Variants in RUBCN observed in about 807,000 individuals in gnomAD.
The protein encoded by RUBCN is run domain Beclin-1-interacting and cysteine-rich domain-containing protein.
RUBCN carries 74 observed loss-of-function variants against 113.2 expected under a neutral mutation model. The ratio of observed to expected loss-of-function variants is 0.65; its 90% CI spans 0.54 to 0.79. RUBCN has a LOEUF of 0.79. Among genes scored for constraint, RUBCN ranks in the 30% least tolerant of loss-of-function variants. RUBCN has a pLI of 0.00. For synonymous variants in RUBCN, 480 were observed against 490.0 expected, an observed-to-expected ratio of 0.98 and a Z score of 0.27; for missense variants, 1,109 against 1,251.7, an observed-to-expected ratio of 0.89 and a Z score of 1.72.
intron 4 of RUBCN, 68 bp downstream of exon 4, chr3:197,704,474 G>A: frequency 7.0e-7 from 1 of 1,425,030 alleles, no homozygotes; most frequent in Non-Finnish European, 9.9e-7. Context: ...GTACCAGAGG[G>A]GTAGAGGATA....
rs1389514573 is a variant in RUBCN at position 197,670,956 on chromosome 3, G to A, written c.*4062C>T. On this transcript the variant is annotated 3_prime_UTR_variant, in exon 20 of 20. Coordinates refer to ENST00000296343, the MANE Select transcript of RUBCN (RefSeq NM_014687.4). ...TGCAGAGACTTGGTGAGCACTAAGA[G>A]GGGAGGTAGAGGTGGTCACAATCCC... is the stretch of plus-strand genomic sequence containing the variant. Among the ~76,000 whole-genome samples the A allele has an allele frequency of 2.0e-5, 3 of 152,212 alleles. No individual in the cohort carries two copies. Among genetic ancestry groups the A allele is most frequent in the South Asian group, 2.1e-4 (1 of 4,830 alleles).
chr3:197,682,364 T>A (rs1721340415), intron 14 of RUBCN, 106 bp downstream of exon 14: 1 of 1,318,194 alleles, frequency 7.6e-7, no homozygotes, highest in African/African-American at 1.5e-5. Flanking sequence ...AAGAGAACGG[T>A]GTGGGAAGGA....
Position 197,703,571 on chromosome 3 carries a change from G to A in RUBCN, c.547C>T (p.Leu183=). The A allele has an allele frequency of 6.2e-7, 1 of 1,613,440 alleles. No individual in the cohort carries two copies. The highest frequency in any genetic ancestry group is 8.5e-7 in the Non-Finnish European group (1 of 1,179,404). ...ACCATGGACGCATCGATCTGAGCCAGGAGGCGGGGGTTGTTCTGTTCCACT... is the reference window on the plus strand; with the variant it reads ...ACCATGGACGCATCGATCTGAGCCAAGAGGCGGGGGTTGTTCTGTTCCACT... ...EAVEQNNPRL[L]AQIDASMFAR... is the part of the protein sequence containing the mutation. The change falls in exon 5 of 20, where the codon CTG becomes TTG. Residue 183 remains leucine (L), a synonymous_variant. Coordinates refer to ENST00000296343, the MANE Select transcript of RUBCN (RefSeq NM_014687.4).
At chr3:197,722,396 G>C (rs1046872849) in intron 1 of RUBCN, among the ~76,000 whole-genome samples, 4 of 152,144 alleles carry the variant, frequency 2.6e-5, no homozygotes, top group African/African-American at 9.6e-5. Context: ...CTATTGAGTA[G>C]AATGTTCTGT....
rs1394123545 is a variant in RUBCN at position 197,675,549 on chromosome 3, A to C, written c.2647-34T>G. 1.3e-6 allele frequency: 2 copies of C among 1,533,296 alleles called. No homozygotes were observed. The highest frequency in any genetic ancestry group is 1.8e-6 in the Non-Finnish European group (2 of 1,107,430). The allele number at this position is 1,533,296 out of a possible 1,614,324, so 95.0% of individuals were successfully genotyped here. A position where few individuals can be genotyped will look rare whatever the true frequency, so the allele number is the denominator to read the frequency against. On this transcript the variant is annotated intron_variant, in intron 18 of 19. Transcript: ENST00000296343. This position sits in a 1 kb window ranked among gnomAD's most constrained non-coding sequence, Gnocchi z 4.4. Reference sequence around the variant, plus strand: ...GAAAAACACAGATGGCAAAATGAGGAGCGGCACATCAGGAACTGGCACGGG... The same window carrying C: ...GAAAAACACAGATGGCAAAATGAGGCGCGGCACATCAGGAACTGGCACGGG...
intron 16 of RUBCN, among the ~76,000 whole-genome samples, chr3:197,679,731 C>T (rs1336836313): frequency 1.0e-4 from 15 of 145,842 alleles, no homozygotes; most frequent in Admixed American, 2.7e-4. Flanking sequence ...GACTGTCCTA[C>T]GCTCTGACAA....
At chr3:197,735,989 GTGAGGAAAA>G (rs1436055967) in intron 1 of RUBCN, among the ~76,000 whole-genome samples, 1 of 152,194 alleles carries the variant, frequency 6.6e-6, no homozygotes. Flanking sequence ...AGTTTGCATT[GTGAGGAAAA>G]AGGGACAGGT....
chr3:197,717,333 A>G (rs1177963607), intron 2 of RUBCN, among the ~76,000 whole-genome samples: 3 of 151,196 alleles, frequency 2.0e-5, no homozygotes, highest in Non-Finnish European at 4.4e-5. Flanking sequence ...AGTCCCAGCT[A>G]CTCGGGAGGC....
At chr3:197,725,520 CTTTTTTTTT>C (rs10718685) in intron 1 of RUBCN, among the ~76,000 whole-genome samples, 6 of 75,336 alleles carry the variant, frequency 8.0e-5, no homozygotes, top group East Asian at 4.4e-4. Context: ...ACAGGAGAAT[CTTTTTTTTT>C]TTTTTTTTTT....
Position 197,718,012 on chromosome 3 carries a change from G to GC in RUBCN, c.183dup (p.Gln62AlafsTer11). 6.2e-7 allele frequency: 1 copy of GC among 1,614,114 alleles called. No individual in the cohort carries two copies. The highest frequency in any genetic ancestry group is 1.1e-5 in the South Asian group (1 of 91,084). On this transcript the variant is annotated frameshift_variant, in exon 2 of 20. Coordinates refer to ENST00000296343, the MANE Select transcript of RUBCN (RefSeq NM_014687.4). LOFTEE classifies it high-confidence loss of function. ...ATAAGCCCGTGATAGAGGATGCTCT[G>GC]CATGTCCCTGCAAAGCCGCTCCAAG...
upstream of RUBCN, chr3:197,736,910 C>T: frequency 1.5e-6 from 2 of 1,360,332 alleles, no homozygotes; most frequent in Non-Finnish European, 1.9e-6. Context: ...GCCACCCCCA[C>T]TTCCGGCTCC....
At chr3:197,723,821 G>A (rs1050939785) in intron 1 of RUBCN, among the ~76,000 whole-genome samples, 5 of 152,112 alleles carry the variant, frequency 3.3e-5, no homozygotes, top group Admixed American at 6.5e-5. Flanking sequence ...CCAGCCAGGC[G>A]CAGTGGCTCA....
chr3:197,709,607 C>T (rs1209276652), intron 2 of RUBCN, among the ~76,000 whole-genome samples: 3 of 152,000 alleles, frequency 2.0e-5, no homozygotes, highest in Admixed American at 6.6e-5. Context: ...CTCAAACTCC[C>T]CACCTCAGGT....
intron 1 of RUBCN, among the ~76,000 whole-genome samples, chr3:197,725,345 C>T (rs1726613324): frequency 6.6e-6 from 1 of 151,660 alleles, no homozygotes; most frequent in Non-Finnish European, 1.5e-5. Context: ...TAGTATTTAA[C>T]TTGCAGGCTG....
At chr3:197,680,840 G>A (rs1270675604) in intron 16 of RUBCN, among the ~76,000 whole-genome samples, 1 of 151,974 alleles carries the variant, frequency 6.6e-6, no homozygotes, top group Non-Finnish European at 1.5e-5. Context: ...CCACGTTTGA[G>A]GCTCCAACTA....
At position 197,670,372 on chromosome 3, in the gene RUBCN, C is replaced by T. The variant is rs1029828926; in HGVS notation, c.*4646G>A. 2.0e-5 allele frequency among the ~76,000 whole-genome samples: 3 copies of T among 152,144 alleles called. No homozygotes were observed. The highest frequency in any genetic ancestry group is 6.5e-5 in the Admixed American group (1 of 15,278). On this transcript the variant is annotated 3_prime_UTR_variant, in exon 20 of 20. Coordinates refer to ENST00000296343, the MANE Select transcript of RUBCN (RefSeq NM_014687.4). ...GGCATCTATAGATGTTTGGGATTGACGGATGATTGAATGAATAAATAAATG... is the reference window on the plus strand; with the variant it reads ...GGCATCTATAGATGTTTGGGATTGATGGATGATTGAATGAATAAATAAATG...
rs1728145926 is a variant in RUBCN, at chr3:197,736,525, A to G, written c.65+130T>C. On this transcript the variant is annotated intron_variant, in intron 1 of 19. Coordinates refer to ENST00000296343, the MANE Select transcript of RUBCN (RefSeq NM_014687.4). Reference sequence around the variant, plus strand: ...TCCTCTGCGAAATGCTTCCCAAACAAGTCCTCCGCAGCCGTCGTCCTCAAG... The same window carrying G: ...TCCTCTGCGAAATGCTTCCCAAACAGGTCCTCCGCAGCCGTCGTCCTCAAG... The G allele has an allele frequency of 3.6e-6, 3 of 837,678 alleles. No individual in the cohort carries two copies. In the Admixed American group the frequency reaches 6.0e-5, roughly 17 times the overall value. 51.9% of individuals were successfully genotyped at this position (837,678 alleles called of 1,614,324 possible).
At chr3:197,676,576 T>C in intron 18 of RUBCN, 2 of 1,230,384 alleles carry the variant, frequency 1.6e-6, no homozygotes, top group Non-Finnish European at 2.1e-6. Context: ...GCCTCCCAAA[T>C]TGCTGGGATG....
intron 11 of RUBCN, among the ~76,000 whole-genome samples, chr3:197,690,432 C>A (rs1023589733): frequency 3.9e-5 from 6 of 152,142 alleles, no homozygotes; most frequent in African/African-American, 1.4e-4. Flanking sequence ...GAGCGAAACT[C>A]CGTCTCAAAA....
Sources: allele counts gnomAD v4.1 joint callset (sites outside exome capture counted in the v4.1 genomes callset), GRCh38; gene constraint gnomAD v4.1.1; non-coding constraint Gnocchi (gnomAD v3.1); transcripts MANE v1.5; gene names NCBI Gene and HGNC (gene_info 2026-07-23, HGNC 2026-07-21).